The following RXFP2 variants were observed in gnomAD, a reference collection of about 807,000 sequenced individuals.
RXFP2 encodes the protein relaxin family peptide receptor 2, also known as relaxin receptor 2.
RXFP2 carries 68 observed loss-of-function variants against 88.6 expected under a neutral mutation model. The observed-to-expected ratio is 0.77, with a 90% CI of 0.63 to 0.94. The LOEUF is 0.94. Among genes scored for constraint, RXFP2 ranks in the 40% least tolerant of loss-of-function variants. RXFP2 has a pLI of 0.00. For synonymous variants in RXFP2, 329 were observed against 306.8 expected, an observed-to-expected ratio of 1.07 and a Z score of -0.76; for missense variants, 791 against 893.9, an observed-to-expected ratio of 0.88 and a Z score of 1.47.
chr13:31,798,170 C>G (rs940810985), intron 17 of RXFP2, among the ~76,000 whole-genome samples: 4 of 152,188 alleles, frequency 2.6e-5, no homozygotes, highest in African/African-American at 7.2e-5. Context: ...AAGCAGGATG[C>G]CTGATACTTT....
chr13:31,770,021 T>C (rs1872680069), intron 5 of RXFP2, among the ~76,000 whole-genome samples: 1 of 152,230 alleles, frequency 6.6e-6, no homozygotes, highest in Non-Finnish European at 1.5e-5. Context: ...GATAAGAATA[T>C]GTGTCATTCT....
intron 11 of RXFP2, among the ~76,000 whole-genome samples, chr13:31,785,177 G>A (rs1426594015): frequency 3.3e-5 from 5 of 152,104 alleles, no homozygotes; most frequent in African/African-American, 1.2e-4. Flanking sequence ...GGGTCCCGGG[G>A]ATGTGCTCTT....
At chr13:31,789,458 T>A (rs564014112) in intron 14 of RXFP2, among the ~76,000 whole-genome samples, 3 of 152,302 alleles carry the variant, frequency 2.0e-5, no homozygotes, top group African/African-American at 7.2e-5. Context: ...TGCCACATAT[T>A]ACACAAGATG....
chr13:31,797,452 C>A, intron 17 of RXFP2, 33 bp downstream of exon 17: 1 of 1,498,164 alleles, frequency 6.7e-7, no homozygotes, highest in Non-Finnish European at 9.3e-7. Flanking sequence ...AAGTATAATA[C>A]ATCGTGCCTT....
chr13:31,758,605 G>C (rs1327506504), intron 2 of RXFP2, among the ~76,000 whole-genome samples: 2 of 152,058 alleles, frequency 1.3e-5, no homozygotes, highest in Non-Finnish European at 2.9e-5. Flanking sequence ...ACTTAAGTCA[G>C]AAATACAGTA....
At chr13:31,800,023 T>C (rs1166960400) in intron 17 of RXFP2, among the ~76,000 whole-genome samples, 1 of 152,204 alleles carries the variant, frequency 6.6e-6, no homozygotes, top group Admixed American at 6.5e-5. Flanking sequence ...CACACACCAG[T>C]CTTTCTTTAC....
At chr13:31,770,326 T>C (rs1241953850) in intron 5 of RXFP2, among the ~76,000 whole-genome samples, 1 of 152,228 alleles carries the variant, frequency 6.6e-6, no homozygotes, top group Non-Finnish European at 1.5e-5. Flanking sequence ...TCTTTTACTT[T>C]CCAGCTGCTC....
At chr13:31,749,231 T>C (rs1392660581) in intron 1 of RXFP2, among the ~76,000 whole-genome samples, 3 of 152,236 alleles carry the variant, frequency 2.0e-5, no homozygotes, top group African/African-American at 7.2e-5. Flanking sequence ...CACTCCTCTG[T>C]GGTACAAATG....
intron 1 of RXFP2, among the ~76,000 whole-genome samples, chr13:31,749,315 C>T (rs936894995): frequency 4.6e-5 from 7 of 152,184 alleles, no homozygotes; most frequent in Non-Finnish European, 1.0e-4. Flanking sequence ...TTTCCACCAA[C>T]ATCACACTGC....
intron 16 of RXFP2, among the ~76,000 whole-genome samples, chr13:31,793,306 G>A (rs554705798): frequency 8.1e-4 from 123 of 152,148 alleles, no homozygotes; most frequent in Admixed American, 1.0e-3. Context: ...ATACTACCAG[G>A]ATCTCTGGAT....
chr13:31,749,347 A>G (rs1185590027), intron 1 of RXFP2, among the ~76,000 whole-genome samples: 1 of 152,122 alleles, frequency 6.6e-6, no homozygotes, highest in East Asian at 1.9e-4. Context: ...TACCATTATA[A>G]TATGTCTTGC....
intron 4 of RXFP2, 142 bp from the exon 5 acceptor site, chr13:31,765,814 A>T: frequency 1.6e-6 from 1 of 619,118 alleles, no homozygotes; most frequent in South Asian, 2.0e-5. Context: ...TCCCATGAAA[A>T]ATTTTTAGTT....
At chr13:31,761,463 C>A (rs1475382777) in intron 2 of RXFP2, among the ~76,000 whole-genome samples, 1 of 151,984 alleles carries the variant, frequency 6.6e-6, no homozygotes, top group Admixed American at 6.6e-5. Context: ...TGATATTTTC[C>A]AAGACATTTA....
At position 31,797,428 on chromosome 13, in the gene RXFP2, C is replaced by A. The variant is rs183398441; in HGVS notation, c.2005+9C>A. The A allele has an allele frequency of 5.2e-4, 835 of 1,595,982 alleles. 2 individuals carry two copies. In the African/African-American group the frequency reaches 0.01, roughly 19 times the overall value. On this transcript the variant is annotated intron_variant, in intron 17 of 17. Transcript: ENST00000298386. ...CCGGGTGGAAATACCAGGTCAGTCT[C>A]TTCTATCATTCCCAAGTATAATACA...
At chr13:31,784,965 T>C (rs575898925) in intron 11 of RXFP2, among the ~76,000 whole-genome samples, 3 of 152,188 alleles carry the variant, frequency 2.0e-5, no homozygotes, top group Non-Finnish European at 4.4e-5. Context: ...CTTTCATGCT[T>C]CTGACAGAAT....
chr13:31,789,292 A>G (rs1045369301), intron 14 of RXFP2, 99 bp downstream of exon 14: 4 of 819,176 alleles, frequency 4.9e-6, no homozygotes, highest in South Asian at 2.7e-5. Flanking sequence ...TTTCTATGCA[A>G]CAAAAGTCAT....
At chr13:31,771,377 G>A (rs144475518) in intron 5 of RXFP2, among the ~76,000 whole-genome samples, 11 of 152,290 alleles carry the variant, frequency 7.2e-5, no homozygotes, top group East Asian at 3.9e-4. Flanking sequence ...GATTCTCACC[G>A]TAGTGTGAAC....
At chr13:31,776,061 C>CTTCTTTGT (rs1555284038) in intron 7 of RXFP2, among the ~76,000 whole-genome samples, 1 of 103,888 alleles carries the variant, frequency 9.6e-6, no homozygotes, top group Non-Finnish European at 2.0e-5. Flanking sequence ...TTTCTTTCTT[C>CTTCTTTGT]TTCTTTCTTT....
In RXFP2 at chr13:31,802,439, T is replaced by G. The variant is rs541240272; in HGVS notation, c.*34T>G. ...TTGGATCACTGGACTTTCAGTGGAC[T>G]ACCTAAAACAGGGGACAGCTTTTGG... is the stretch of plus-strand genomic sequence containing the variant. On this transcript the variant is annotated 3_prime_UTR_variant, in exon 18 of 18. Transcript: ENST00000298386. 9.3e-6 allele frequency: 15 copies of G among 1,607,308 alleles called. 1 individual carries two copies. In the South Asian group the frequency reaches 1.7e-4, roughly 18 times the overall value.
Sources: gnomAD v4.1 joint callset for allele counts (sites outside exome capture counted in the v4.1 genomes callset) on GRCh38, gnomAD v4.1.1 for gene constraint, MANE v1.5 for transcripts, NCBI Gene and HGNC (gene_info 2026-07-23, HGNC 2026-07-21) for gene names.